FHIT: variants seen among roughly 807,000 people sequenced by gnomAD.
FHIT encodes bis(5'-adenosyl)-triphosphatase.
FHIT carries 19 observed loss-of-function variants against 17.9 expected under a neutral mutation model. That is an observed-to-expected ratio of 1.06 (90% CI 0.74 to 1.56). The LOEUF is 1.56. Ranked by LOEUF, FHIT falls within the 40% of genes most tolerant of loss-of-function variation. The probability of loss-of-function intolerance (pLI) is 0.00; values close to 1 mark genes in which losing one functional copy is unlikely to be tolerated. For missense variants in FHIT, 248 were observed against 189.2 expected, an observed-to-expected ratio of 1.31 and a Z score of -1.82; for synonymous variants, 81 against 69.7, an observed-to-expected ratio of 1.16 and a Z score of -0.81.
chr3:59,910,442 T>C (rs1321811511), intron 8 of FHIT, among the ~76,000 whole-genome samples: 1 of 152,202 alleles, frequency 6.6e-6, no homozygotes, highest in Non-Finnish European at 1.5e-5. Context: ...GCTTAGTGAT[T>C]TGGGGGCCCC....
intron 5 of FHIT, among the ~76,000 whole-genome samples, chr3:60,333,725 T>C (rs900919419): frequency 2.6e-5 from 4 of 152,216 alleles, no homozygotes; most frequent in African/African-American, 9.6e-5. Context: ...AACATAGAAA[T>C]TGATTCTCCC....
intron 3 of FHIT, among the ~76,000 whole-genome samples, chr3:60,982,784 A>C (rs1357188986): frequency 6.6e-6 from 1 of 152,172 alleles, no homozygotes; most frequent in East Asian, 1.9e-4. Flanking sequence ...TAATCTTTAT[A>C]AGTATTACCA....
At chr3:60,023,100 C>G (rs79937813) in intron 5 of FHIT, among the ~76,000 whole-genome samples, 3,824 of 152,180 alleles carry the variant, frequency 0.025, 170 homozygotes, top group African/African-American at 0.087. Flanking sequence ...GGAGTTAAGA[C>G]TTGAAGGAGT....
intron 3 of FHIT, among the ~76,000 whole-genome samples, chr3:60,944,141 T>C (rs782001445): frequency 2.0e-5 from 3 of 152,180 alleles, no homozygotes; most frequent in Non-Finnish European, 4.4e-5. Context: ...ATAGTATAAG[T>C]TAAGAAATTT....
chr3:60,029,164 C>T (rs1453003996), intron 5 of FHIT, among the ~76,000 whole-genome samples: 1 of 152,126 alleles, frequency 6.6e-6, no homozygotes, highest in Non-Finnish European at 1.5e-5. Flanking sequence ...TCTTTATACT[C>T]TGATAACTTA....
rs757301609 is a variant in FHIT, at chr3:60,524,427, G to A, written c.103+12433C>T. Reference sequence around the variant, plus strand: ...ATCTGGGGAATTGGCATTCCACGAAGAATAAACAGCTGCTGGTTCAAGGGC... The same window carrying A: ...ATCTGGGGAATTGGCATTCCACGAAAAATAAACAGCTGCTGGTTCAAGGGC... On this transcript the variant is annotated intron_variant, in intron 5 of 9. Coordinates refer to ENST00000492590, the MANE Select transcript of FHIT (RefSeq NM_002012.4). Among the ~76,000 whole-genome samples the A allele has an allele frequency of 6.6e-4, 100 of 152,148 alleles. 1 individual carries two copies. The highest frequency in any genetic ancestry group is 4.1e-4 in the South Asian group (2 of 4,820).
At chr3:61,010,253 G>A (rs138230443) in intron 3 of FHIT, among the ~76,000 whole-genome samples, 2 of 151,552 alleles carry the variant, frequency 1.3e-5, no homozygotes, top group African/African-American at 4.8e-5. Flanking sequence ...TGGATCTGGG[G>A]TGATCTTATA....
chr3:60,345,004 CT>C (rs1243712263), intron 5 of FHIT, among the ~76,000 whole-genome samples: 24 of 152,086 alleles, frequency 1.6e-4, no homozygotes, highest in African/African-American at 5.6e-4. Context: ...GCAAATTTCC[CT>C]TTGTATAAAC....
chr3:61,100,622 T>A (rs2035789522), intron 2 of FHIT, among the ~76,000 whole-genome samples: 1 of 152,220 alleles, frequency 6.6e-6, no homozygotes, highest in African/African-American at 2.4e-5. Context: ...TCTAGATAAT[T>A]GAGGAATTGC....
intron 8 of FHIT, among the ~76,000 whole-genome samples, chr3:59,880,177 CT>C (rs1380542673): frequency 2.0e-5 from 3 of 152,164 alleles, no homozygotes; most frequent in African/African-American, 7.2e-5. Context: ...GGTCTCCTGC[CT>C]GTCCCCTCTG....
rs867007173 is a variant in FHIT at position 60,130,815 on chromosome 3, A to G, written c.104-116663T>C. The stretch of plus-strand genomic sequence containing the variant: ...TATATACACACATATATATGTGTGT[A>G]TGTGTGTATAGGTGTGTACATACAT... On this transcript the variant is annotated intron_variant, in intron 5 of 9. Transcript: ENST00000492590. Among the ~76,000 whole-genome samples the G allele has an allele frequency of 7.1e-3, 467 of 65,816 alleles. 1 individual carries two copies. The highest frequency in any genetic ancestry group is 0.015 in the African/African-American group (336 of 22,640). 43.2% of individuals were successfully genotyped at this position (65,816 alleles called of 152,430 possible). A position where few individuals can be genotyped will look rare whatever the true frequency, so the allele number is the denominator to read the frequency against.
At chr3:60,217,099 A>G (rs1703730736) in intron 5 of FHIT, among the ~76,000 whole-genome samples, 1 of 152,232 alleles carries the variant, frequency 6.6e-6, no homozygotes, top group Non-Finnish European at 1.5e-5. Context: ...TTCTTTTAAA[A>G]GTCCAATTTT....
intron 4 of FHIT, among the ~76,000 whole-genome samples, chr3:60,643,170 A>T (rs1230156867): frequency 6.6e-6 from 1 of 152,168 alleles, no homozygotes; most frequent in East Asian, 1.9e-4. Context: ...ATAAAGTGAC[A>T]ACAGTTTTCC....
In FHIT at chr3:61,156,415, C is replaced by T. The variant is rs373072197; in HGVS notation, c.-164+44202G>A. Among the ~76,000 whole-genome samples, 4 of 152,142 alleles carry T rather than the reference C, an allele frequency of 2.6e-5. No homozygotes were observed. The East Asian group carries it at 7.7e-4, about 29-fold the overall frequency. ...GCCCCGGTTATCCATTCTCACAGCA[C>T]CCTGAACTTCCTCTTCATAACATTT... On this transcript the variant is annotated intron_variant, in intron 2 of 9. Coordinates refer to ENST00000492590, the MANE Select transcript of FHIT (RefSeq NM_002012.4).
chr3:60,177,510 G>C (rs374419057), intron 5 of FHIT, among the ~76,000 whole-genome samples: 1 of 152,112 alleles, frequency 6.6e-6, no homozygotes, highest in Non-Finnish European at 1.5e-5. Context: ...TAGTCCCTTC[G>C]CATAGAAGTA....
chr3:61,042,282 T>C (rs1287731443), intron 2 of FHIT, among the ~76,000 whole-genome samples, 183 bp from the exon 3 acceptor site: 1 of 152,212 alleles, frequency 6.6e-6, no homozygotes, highest in Non-Finnish European at 1.5e-5. Context: ...GGTTAATTAA[T>C]GAAGTAAATT....
intron 4 of FHIT, chr3:60,732,563 A>C (rs2042051904): frequency 1.6e-6 from 1 of 628,572 alleles, no homozygotes; most frequent in South Asian, 1.4e-5. Context: ...CTCGTCTGCA[A>C]ACAGCTCGAA....
At chr3:60,470,047 T>C (rs72880356) in intron 5 of FHIT, among the ~76,000 whole-genome samples, 37 of 83,920 alleles carry the variant, frequency 4.4e-4, no homozygotes, top group African/African-American at 2.5e-3. Flanking sequence ...TCCCCTCTCC[T>C]CTCTCTTTCT....
At chr3:61,067,406 C>T (rs937771154) in intron 2 of FHIT, among the ~76,000 whole-genome samples, 1 of 152,158 alleles carries the variant, frequency 6.6e-6, no homozygotes, top group African/African-American at 2.4e-5. Flanking sequence ...TTACAGTGTC[C>T]TCTACCAGTA....
Sources: gnomAD v4.1 joint callset for allele counts (sites outside exome capture counted in the v4.1 genomes callset) on GRCh38, gnomAD v4.1.1 for gene constraint, MANE v1.5 for transcripts, NCBI Gene and HGNC (gene_info 2026-07-23, HGNC 2026-07-21) for gene names.